The following MGAT4C variants were observed in gnomAD, a reference collection of about 807,000 sequenced individuals.
MGAT4C encodes the protein alpha-1,3-mannosyl-glycoprotein 4-beta-N-acetylglucosaminyltransferase C.
In MGAT4C, 19 loss-of-function variants were observed where a neutral mutation model predicts 40.1. The observed-to-expected ratio is 0.47, with a 90% confidence interval of 0.33 to 0.70. MGAT4C has a LOEUF of 0.70. MGAT4C is among the 30% of genes least tolerant of loss of function. The probability of loss-of-function intolerance (pLI) is 0.02; values close to 1 mark genes in which losing one functional copy is unlikely to be tolerated. For missense variants in MGAT4C, 491 were observed against 563.2 expected (o/e 0.87, Z 1.30); for synonymous variants, 181 against 187.1 (o/e 0.97, Z 0.27).
At chr12:86,096,469 A>AT (rs1326875137) in intron 1 of MGAT4C, among the ~76,000 whole-genome samples, 1 of 127,694 alleles carries the variant, frequency 7.8e-6, no homozygotes, top group Non-Finnish European at 1.6e-5. Flanking sequence ...TCCCCATTCC[A>AT]TCTTCTAATT....
intron 2 of MGAT4C, among the ~76,000 whole-genome samples, chr12:86,477,459 G>A (rs1043968962): frequency 1.3e-4 from 20 of 151,864 alleles, no homozygotes; most frequent in Admixed American, 5.3e-4. Flanking sequence ...CTACCTACTG[G>A]GTGATAAGAT....
chr12:86,743,116 ATGTGTGTGTG>A (rs60215418), intron 1 of MGAT4C, among the ~76,000 whole-genome samples: 7 of 144,486 alleles, frequency 4.8e-5, no homozygotes, highest in African/African-American at 1.5e-4. Context: ...GTGTGTATGC[ATGTGTGTGTG>A]TGTGTGTGTG....
At chr12:86,043,641 G>A (rs1233489469) in intron 2 of MGAT4C, among the ~76,000 whole-genome samples, 1 of 152,100 alleles carries the variant, frequency 6.6e-6, no homozygotes, top group African/African-American at 2.4e-5. Context: ...GACACACACA[G>A]GAACAATACT....
intron 2 of MGAT4C, among the ~76,000 whole-genome samples, chr12:86,005,193 T>C (rs1284562183): frequency 2.6e-5 from 4 of 152,188 alleles, no homozygotes; most frequent in Non-Finnish European, 4.4e-5. Flanking sequence ...TTGTGCCACA[T>C]TGGGCAGAGA....
chr12:86,218,100 T>C (rs1950740990), intron 1 of MGAT4C, among the ~76,000 whole-genome samples: 1 of 152,122 alleles, frequency 6.6e-6, no homozygotes, highest in Admixed American at 6.5e-5. Flanking sequence ...GTAAAAGGTT[T>C]TCTTTACCTT....
At chr12:86,824,799 G>A (rs1253985172) in intron 1 of MGAT4C, among the ~76,000 whole-genome samples, 2 of 147,338 alleles carry the variant, frequency 1.4e-5, no homozygotes, top group African/African-American at 2.5e-5. Context: ...TTTTTATATT[G>A]AAATTAACAA....
At chr12:86,586,464 C>A (rs1176236603) in intron 2 of MGAT4C, among the ~76,000 whole-genome samples, 1 of 76,252 alleles carries the variant, frequency 1.3e-5, no homozygotes, top group Non-Finnish European at 3.1e-5. Context: ...GGGTATATAT[C>A]CAGTAATGGG....
intron 1 of MGAT4C, among the ~76,000 whole-genome samples, chr12:86,114,470 A>G (rs1325259623): frequency 6.6e-6 from 1 of 151,994 alleles, no homozygotes; most frequent in Admixed American, 6.6e-5. Context: ...TGTAGTTACA[A>G]TGAACAAGGC....
chr12:86,031,389 T>G (rs1172649622), intron 2 of MGAT4C, among the ~76,000 whole-genome samples: 1 of 151,852 alleles, frequency 6.6e-6, no homozygotes, highest in African/African-American at 2.4e-5. Flanking sequence ...GCTGACCTTT[T>G]ATAGTGGTAT....
Position 86,510,328 on chromosome 12 carries a change from C to A in MGAT4C, c.-228-75063G>T, listed in dbSNP as rs188725237. Among the ~76,000 whole-genome samples, 239 of 152,070 alleles carry A rather than the reference C, an allele frequency of 1.6e-3. 1 individual carries two copies. Among genetic ancestry groups the A allele is most frequent in the African/African-American group, 5.5e-3 (230 of 41,504 alleles). ...CACCAACAGGCCTGCTCTAAAAGAG[C>A]TCCTGAAGGAAGCACTAAACATGGA... On this transcript the variant is annotated intron_variant, in intron 2 of 7. Transcript: ENST00000548651.
In MGAT4C at chr12:86,665,168, T is replaced by C. The variant is rs1009847915; in HGVS notation, c.-229+62041A>G. ...AACACTCAAGCAGCGAAGTTAACAA[T>C]AGGATCAGCCCACAGCATAAGTAGT... On this transcript the variant is annotated intron_variant, in intron 2 of 7. Transcript: ENST00000548651. 5.3e-5 allele frequency among the ~76,000 whole-genome samples: 8 copies of C among 151,944 alleles called. No individual in the cohort carries two copies. In the East Asian group the frequency reaches 1.6e-3, roughly 30 times the overall value.
intron 2 of MGAT4C, among the ~76,000 whole-genome samples, chr12:86,549,157 T>C (rs1274106789): frequency 6.6e-6 from 1 of 152,182 alleles, no homozygotes; most frequent in Non-Finnish European, 1.5e-5. Flanking sequence ...ACTGTGATGA[T>C]CTTACAAAGG....
chr12:86,479,628 A>C (rs2136311544), intron 2 of MGAT4C, among the ~76,000 whole-genome samples: 1 of 152,102 alleles, frequency 6.6e-6, no homozygotes, highest in South Asian at 2.1e-4. Flanking sequence ...ATAAAAAGAA[A>C]GATCAGTGAA....
chr12:86,781,062 T>C (rs945071719), intron 1 of MGAT4C, among the ~76,000 whole-genome samples: 2 of 152,068 alleles, frequency 1.3e-5, no homozygotes, highest in African/African-American at 4.8e-5. Context: ...TCCTTTTTCT[T>C]ATCATCTGTT....
intron 1 of MGAT4C, among the ~76,000 whole-genome samples, chr12:86,766,674 G>C (rs1180533744): frequency 6.6e-6 from 1 of 151,846 alleles, no homozygotes; most frequent in Non-Finnish European, 1.5e-5. Context: ...CTATCTCTCA[G>C]ACCACAGTGC....
intron 2 of MGAT4C, among the ~76,000 whole-genome samples, chr12:86,595,149 C>T (rs1377841321): frequency 1.3e-5 from 2 of 152,118 alleles, no homozygotes; most frequent in Admixed American, 1.3e-4. Flanking sequence ...TATATTTTTA[C>T]TAATCTCCAT....
intron 1 of MGAT4C, among the ~76,000 whole-genome samples, chr12:86,813,515 T>A (rs969383755): frequency 1.3e-5 from 2 of 152,104 alleles, no homozygotes; most frequent in Non-Finnish European, 2.9e-5. Context: ...TAGGTTTCAA[T>A]GCATATGCAA....
chr12:86,837,321 T>C (rs1953057501), intron 1 of MGAT4C, among the ~76,000 whole-genome samples: 1 of 152,210 alleles, frequency 6.6e-6, no homozygotes, highest in Non-Finnish European at 1.5e-5. Flanking sequence ...TTTCCATTTT[T>C]TTGCCTTTTA....
chr12:86,105,396 T>C (rs1017600322), intron 1 of MGAT4C, among the ~76,000 whole-genome samples: 1 of 152,134 alleles, frequency 6.6e-6, no homozygotes, highest in Non-Finnish European at 1.5e-5. Flanking sequence ...GGAAAAGAAT[T>C]ACATGTATGA....
Sources: allele counts gnomAD v4.1 joint callset (sites outside exome capture counted in the v4.1 genomes callset), GRCh38; gene constraint gnomAD v4.1.1; transcripts MANE v1.5; gene names NCBI Gene and HGNC (gene_info 2026-07-23, HGNC 2026-07-21).